CYTH3: variants seen among roughly 807,000 people sequenced by gnomAD.
CYTH3 encodes cytohesin 3.
A neutral mutation model predicts 55.1 loss-of-function variants in CYTH3; 23 were observed. That is an observed-to-expected ratio of 0.42 (90% confidence interval 0.30 to 0.59). CYTH3 has a LOEUF of 0.59. CYTH3 is among the 20% of genes least tolerant of loss of function. CYTH3 has a pLI of 0.20. For synonymous variants in CYTH3, 249 were observed against 194.9 expected, an observed-to-expected ratio of 1.28 and a Z score of -2.31; for missense variants, 413 against 524.8, an observed-to-expected ratio of 0.79 and a Z score of 2.08.
chr7:6,218,360 A>G (rs1784471102), intron 1 of CYTH3, among the ~76,000 whole-genome samples: 1 of 152,176 alleles, frequency 6.6e-6, no homozygotes, highest in African/African-American at 2.4e-5. Context: ...GGGGTCATGG[A>G]CAAGGAAATG....
At position 6,170,325 on chromosome 7, in the gene CYTH3, C is replaced by G; in HGVS notation, c.823+210G>C. The G allele has an allele frequency of 1.7e-6, 1 of 577,892 alleles. No individual in the cohort carries two copies. Among genetic ancestry groups the G allele is most frequent in the South Asian group, 2.1e-5 (1 of 46,570 alleles). The allele number at this position is 577,892 out of a possible 1,614,324, so 35.8% of individuals were successfully genotyped here. A position where few individuals can be genotyped will look rare whatever the true frequency, so the allele number is the denominator to read the frequency against. ...CGGGCCGTGCAGCCTGGGCGCTACT[C>G]TCTGCCGCGGGCATGGCTCTGAGGC... On this transcript the variant is annotated intron_variant, in intron 9 of 12. Transcript: ENST00000350796. This position sits in a 1 kb window ranked among gnomAD's most constrained non-coding sequence, Gnocchi z 7.8.
At chr7:6,177,792 A>G in intron 5 of CYTH3, 31 bp downstream of exon 5, 1 of 1,544,128 alleles carries the variant, frequency 6.5e-7, no homozygotes, top group Non-Finnish European at 9.0e-7. Flanking sequence ...GAGTGGCCCC[A>G]GGTAGGGCTT....
At chr7:6,227,836 C>G (rs1779294055) in intron 1 of CYTH3, among the ~76,000 whole-genome samples, 1 of 152,172 alleles carries the variant, frequency 6.6e-6, no homozygotes, top group South Asian at 2.1e-4. Context: ...GCAGAGAATT[C>G]CACAGTGAAT....
intron 1 of CYTH3, among the ~76,000 whole-genome samples, chr7:6,225,516 G>A (rs1446804826): frequency 6.6e-6 from 1 of 151,902 alleles, no homozygotes; most frequent in Non-Finnish European, 1.5e-5. Flanking sequence ...ACCATGCTAG[G>A]CTAATTTTTT....
chr7:6,194,672 T>A (rs115794205), intron 1 of CYTH3, among the ~76,000 whole-genome samples: 1 of 151,398 alleles, frequency 6.6e-6, no homozygotes, highest in Non-Finnish European at 1.5e-5. Context: ...AAGAAGCCCA[T>A]TGTGTAGATT....
Position 6,170,544 on chromosome 7 carries a change from G to A in CYTH3, c.814C>T (p.Leu272=), listed in dbSNP as rs1161125639. Reference sequence around the variant, plus strand: ...TGGGCCGGCGGCTCACCCAGCTTCAGGAGCCAGCCCTCGCGGTCGGGGTTG... The same window carrying A: ...TGGGCCGGCGGCTCACCCAGCTTCAAGAGCCAGCCCTCGCGGTCGGGGTTG... ...FFNPDREGWL[L]KLGGRVKTWK... Residue 272 remains leucine, a synonymous_variant, in exon 9 of 13, where the codon CTG becomes TTG. Coordinates refer to ENST00000350796, the MANE Select transcript of CYTH3 (RefSeq NM_004227.4). This position sits in a 1 kb window ranked among gnomAD's most constrained non-coding sequence, Gnocchi z 7.8. 6.2e-7 allele frequency: 1 copy of A among 1,613,930 alleles called. No individual in the cohort carries two copies. The highest frequency in any genetic ancestry group is 1.3e-5 in the African/African-American group (1 of 75,050).
intron 1 of CYTH3, among the ~76,000 whole-genome samples, chr7:6,220,736 C>CT (rs1784532354): frequency 6.6e-6 from 1 of 152,084 alleles, no homozygotes; most frequent in Admixed American, 6.6e-5. Flanking sequence ...TGGCTCACAC[C>CT]TGTAATCCCA....
At position 6,170,021 on chromosome 7, in the gene CYTH3, G is replaced by A. The variant is rs891166359; in HGVS notation, c.823+514C>T. 5 of 167,398 alleles carry A rather than the reference G, an allele frequency of 3.0e-5. No homozygotes were observed. The highest frequency in any genetic ancestry group is 1.6e-4 in the South Asian group (1 of 6,442). 10.4% of individuals were successfully genotyped at this position (167,398 alleles called of 1,614,324 possible). A position where few individuals can be genotyped will look rare whatever the true frequency, so the allele number is the denominator to read the frequency against. ...CACAGCGGAGCTCACACAGACCAAC[G>A]TGGGGAGAGCGAGAGGAATGAGCCG... On this transcript the variant is annotated intron_variant, in intron 9 of 12. Coordinates refer to ENST00000350796, the MANE Select transcript of CYTH3 (RefSeq NM_004227.4). The surrounding 1 kb of genome is among the most constrained non-coding windows in gnomAD (Gnocchi z 7.8).
chr7:6,205,222 A>G (rs565263436), intron 1 of CYTH3, among the ~76,000 whole-genome samples: 1 of 152,162 alleles, frequency 6.6e-6, no homozygotes, highest in Non-Finnish European at 1.5e-5. Flanking sequence ...AATTAAATTA[A>G]GAAACACAAT....
At chr7:6,206,261 G>T (rs1213834741) in intron 1 of CYTH3, among the ~76,000 whole-genome samples, 1 of 152,220 alleles carries the variant, frequency 6.6e-6, no homozygotes, top group Non-Finnish European at 1.5e-5. Context: ...ACAATGGAAT[G>T]TGATTCAGCC....
At chr7:6,210,143 G>T (rs556726307) in intron 1 of CYTH3, among the ~76,000 whole-genome samples, 283 of 152,272 alleles carry the variant, frequency 1.9e-3, no homozygotes, top group Non-Finnish European at 3.6e-3. Flanking sequence ...TTTATCCATT[G>T]TAAGAAATGC....
intron 1 of CYTH3, among the ~76,000 whole-genome samples, chr7:6,248,457 C>G (rs1779879957): frequency 6.6e-6 from 1 of 152,150 alleles, no homozygotes; most frequent in Admixed American, 6.5e-5. Context: ...CTTTTGTTTT[C>G]TAGTTTCTGC....
intron 1 of CYTH3, among the ~76,000 whole-genome samples, chr7:6,206,664 CAGA>C (rs955823855): frequency 6.6e-6 from 1 of 152,156 alleles, no homozygotes; most frequent in African/African-American, 2.4e-5. Flanking sequence ...TAATCCTTAA[CAGA>C]AGAAGGGAAG....
At chr7:6,225,204 C>T (rs1445004577) in intron 1 of CYTH3, among the ~76,000 whole-genome samples, 2 of 152,020 alleles carry the variant, frequency 1.3e-5, no homozygotes, top group African/African-American at 4.8e-5. Flanking sequence ...TAAGACAGTA[C>T]AATATTATAT....
chr7:6,173,671 T>G lies in CYTH3; in HGVS notation c.431A>C (p.Asn144Thr). 6.2e-7 allele frequency: 1 copy of G among 1,610,688 alleles called. No individual in the cohort carries two copies. Among genetic ancestry groups the G allele is most frequent in the Non-Finnish European group, 8.5e-7 (1 of 1,176,910 alleles). The part of the protein sequence containing the change: ...FVELHEFADL[N>T]LVQALRQFLW... ...TACTTACCTTAAGGCTTGTACAAGG[T>G]TGAGATCAGCAAACTCATGGAGTTC... is the stretch of plus-strand genomic sequence containing the variant. The change falls in exon 6 of 13, where the codon AAC becomes ACC. Residue 144 changes from asparagine (N) to threonine (T), a missense_variant. Around this residue, in one of 4 missense-constraint regions of CYTH3, gnomAD observed 156 missense variants for 233.1 expected, o/e 0.67. Transcript: ENST00000350796.
chr7:6,174,838 C>T (rs571163420), intron 5 of CYTH3, among the ~76,000 whole-genome samples: 20 of 152,318 alleles, frequency 1.3e-4, no homozygotes, highest in Middle Eastern at 6.8e-3. Flanking sequence ...TGAGCCGCCA[C>T]GCCCAGCCTC....
chr7:6,177,764 A>T, intron 5 of CYTH3, 59 bp downstream of exon 5: 1 of 1,318,704 alleles, frequency 7.6e-7, no homozygotes, highest in Non-Finnish European at 1.1e-6. Flanking sequence ...GCGTGAGCCT[A>T]GGTCAAGCTG....
At chr7:6,224,377 A>G (rs533202672) in intron 1 of CYTH3, among the ~76,000 whole-genome samples, 42 of 152,180 alleles carry the variant, frequency 2.8e-4, no homozygotes, top group African/African-American at 1.0e-3. Flanking sequence ...AAAACCATAT[A>G]TTATTAAAAG....
At chr7:6,230,049 G>A (rs747309739) in intron 1 of CYTH3, among the ~76,000 whole-genome samples, 6 of 150,488 alleles carry the variant, frequency 4.0e-5, no homozygotes, top group Middle Eastern at 7.2e-3. Flanking sequence ...TAGGAGAATC[G>A]CTTGATCCTG....
Sources: gnomAD v4.1 joint callset for allele counts (sites outside exome capture counted in the v4.1 genomes callset) on GRCh38, gnomAD v4.1.1 for gene constraint, gnomAD v4.1.1 regional missense constraint, Gnocchi (gnomAD v3.1) non-coding constraint, MANE v1.5 for transcripts, NCBI Gene and HGNC (gene_info 2026-07-23, HGNC 2026-07-21) for gene names.